Variants in GRAMD4 observed in about 807,000 individuals in gnomAD.
GRAMD4 encodes the protein GRAM domain-containing protein 4.
GRAMD4 carries 25 observed loss-of-function variants against 83.9 expected under a neutral mutation model. The ratio of observed to expected loss-of-function variants is 0.30; its 90% CI spans 0.22 to 0.42. GRAMD4 has a LOEUF of 0.42. GRAMD4 is among the 10% of genes least tolerant of loss of function. GRAMD4 has a pLI of 1.00. For missense variants in GRAMD4, 593 were observed against 788.7 expected, an observed-to-expected ratio of 0.75 and a Z score of 2.97; for synonymous variants, 336 against 320.9, an observed-to-expected ratio of 1.05 and a Z score of -0.50.
chr22:46,617,452 CGTGTAGGTTCCCCTGT>C (rs1438856283), upstream of GRAMD4, among the ~76,000 whole-genome samples: 9 of 138,200 alleles, frequency 6.5e-5, no homozygotes, highest in African/African-American at 1.1e-4. Context: ...TCCCCCCATA[CGTGTAGGTTCCCCTGT>C]GTGTAGGTTC....
At chr22:46,616,587 C>CAGGTTCCCCTGTGTGT (rs1165196663), upstream of GRAMD4, among the ~76,000 whole-genome samples, 1 of 114,496 alleles carries the variant, frequency 8.7e-6, no homozygotes, top group Non-Finnish European at 1.8e-5. Flanking sequence ...CCTGTGCGTG[C>CAGGTTCCCCTGTGTGT]AGGTTCCCCT....
At chr22:46,657,798 G>A (rs1228102789) in intron 3 of GRAMD4, among the ~76,000 whole-genome samples, 1 of 152,238 alleles carries the variant, frequency 6.6e-6, no homozygotes, top group African/African-American at 2.4e-5. Flanking sequence ...GGCGCTGGGT[G>A]GGTGTGGTGG....
At chr22:46,673,858 G>A in intron 15 of GRAMD4, 44 bp downstream of exon 15, 1 of 1,606,118 alleles carries the variant, frequency 6.2e-7, no homozygotes, top group Non-Finnish European at 8.5e-7. Flanking sequence ...CGCCGACACA[G>A]ACTGAAGGCC....
intron 1 of GRAMD4, among the ~76,000 whole-genome samples, chr22:46,584,965 G>A (rs77084639): frequency 0.02 from 3,106 of 152,296 alleles, 117 homozygotes; most frequent in African/African-American, 0.071. Flanking sequence ...TCCCCTCTCT[G>A]CCTCTGAACT....
At chr22:46,588,818 CCCAGG>C (rs2081177680) in intron 1 of GRAMD4, among the ~76,000 whole-genome samples, 1 of 111,408 alleles carries the variant, frequency 9.0e-6, no homozygotes, top group African/African-American at 5.4e-5. Flanking sequence ...CTGGATGTGG[CCCAGG>C]CTGGGCTGGG....
chr22:46,629,373 G>A lies in GRAMD4; in HGVS notation c.162+2412G>A, dbSNP rs191771174. ...GCGTCTTGCTTATGGTTAGCTTGGA[G>A]GGAGTTGTAATTATTAATGACCGTG... On this transcript the variant is annotated intron_variant, in intron 2 of 18. Transcript: ENST00000406902. 3.1e-3 allele frequency among the ~76,000 whole-genome samples: 472 copies of A among 152,320 alleles called. 1 individual carries two copies. Among genetic ancestry groups the A allele is most frequent in the African/African-American group, 0.011 (458 of 41,570 alleles).
chr22:46,641,308 GGT>G (rs1172996127), intron 3 of GRAMD4, among the ~76,000 whole-genome samples: 1 of 152,164 alleles, frequency 6.6e-6, no homozygotes, highest in African/African-American at 2.4e-5. Flanking sequence ...GTTGACCTCA[GGT>G]GATCCGCCTG....
At chr22:46,577,981 G>A (rs968636797) in intron 1 of GRAMD4, among the ~76,000 whole-genome samples, 1 of 152,216 alleles carries the variant, frequency 6.6e-6, no homozygotes, top group African/African-American at 2.4e-5. Context: ...AGGGAGGGAG[G>A]AGAGCCAGTT....
At chr22:46,590,385 T>G (rs1310039099) in intron 1 of GRAMD4, among the ~76,000 whole-genome samples, 1 of 152,158 alleles carries the variant, frequency 6.6e-6, no homozygotes, top group African/African-American at 2.4e-5. Context: ...CAGCCAGTCC[T>G]TGGCAGAGAG....
At chr22:46,648,437 A>G (rs999039400) in intron 3 of GRAMD4, among the ~76,000 whole-genome samples, 5 of 147,340 alleles carry the variant, frequency 3.4e-5, no homozygotes, top group Non-Finnish European at 7.5e-5. Flanking sequence ...GGGTGGATGG[A>G]TGGATGGATG....
At chr22:46,608,956 C>A (rs2081391596) in intron 1 of GRAMD4, among the ~76,000 whole-genome samples, 1 of 152,004 alleles carries the variant, frequency 6.6e-6, no homozygotes. Context: ...GTAGTACCAG[C>A]CGCCCCAGAG....
At chr22:46,594,259 A>G (rs2081238600) in intron 1 of GRAMD4, among the ~76,000 whole-genome samples, 1 of 147,828 alleles carries the variant, frequency 6.8e-6, no homozygotes, top group South Asian at 2.1e-4. Flanking sequence ...CTGGGTCCAC[A>G]CTGTCACCTG....
rs190760814 is a variant in GRAMD4 at position 46,578,806 on chromosome 22, G to A, written c.-50+1516G>A. Among the ~76,000 whole-genome samples, 322 of 152,302 alleles carry A rather than the reference G, an allele frequency of 2.1e-3. 1 individual carries two copies. Among genetic ancestry groups the A allele is most frequent in the African/African-American group, 7.3e-3 (303 of 41,578 alleles). ...CTGCCTGGTCCAGGAAAGGGGCCCTGCCTGTCTTGCCTTGCTCCTGCCTTG... is the reference window on the plus strand; with the variant it reads ...CTGCCTGGTCCAGGAAAGGGGCCCTACCTGTCTTGCCTTGCTCCTGCCTTG... On this transcript the variant is annotated intron_variant, in intron 1 of 1. Coordinates refer to the GRAMD4 transcript ENST00000431155.
intron 1 of GRAMD4, among the ~76,000 whole-genome samples, chr22:46,602,944 T>C (rs9616078): frequency 0.82 from 124,628 of 151,390 alleles, 52,182 homozygotes; most frequent in East Asian, 1. Flanking sequence ...GGTTTCACCA[T>C]GTTGGCCAGG....
At chr22:46,607,220 A>G (rs1043675263) in intron 1 of GRAMD4, among the ~76,000 whole-genome samples, 3 of 151,320 alleles carry the variant, frequency 2.0e-5, no homozygotes, top group African/African-American at 7.4e-5. Context: ...GGGGTCATAC[A>G]GCATTAGGAG....
chr22:46,594,809 G>T (rs952345438), intron 1 of GRAMD4, among the ~76,000 whole-genome samples: 1 of 151,912 alleles, frequency 6.6e-6, no homozygotes, highest in Non-Finnish European at 1.5e-5. Context: ...GGGGCAGCAC[G>T]GGGAGCTGGG....
At chr22:46,653,352 C>T (rs754854641) in intron 3 of GRAMD4, among the ~76,000 whole-genome samples, 1 of 152,200 alleles carries the variant, frequency 6.6e-6, no homozygotes. Context: ...CTCTGGCGTT[C>T]ACATTTGTCA....
intron 1 of GRAMD4, among the ~76,000 whole-genome samples, chr22:46,609,889 G>A (rs2081400994): frequency 6.6e-6 from 1 of 152,232 alleles, no homozygotes; most frequent in African/African-American, 2.4e-5. Flanking sequence ...GGGCGGCCCG[G>A]CTGCTGGTAG....
chr22:46,668,612 A>G (rs2082448958), intron 11 of GRAMD4, 77 bp from the exon 12 acceptor site: 2 of 1,357,288 alleles, frequency 1.5e-6, no homozygotes, highest in Admixed American at 1.7e-5. Flanking sequence ...CCCGACCTGG[A>G]GGCCCTCCTG....
Sources: allele counts gnomAD v4.1 joint callset (sites outside exome capture counted in the v4.1 genomes callset), GRCh38; gene constraint gnomAD v4.1.1; transcripts MANE v1.5; gene names NCBI Gene and HGNC (gene_info 2026-07-23, HGNC 2026-07-21).